The following NELL2 variants were observed in gnomAD, a reference collection of about 807,000 sequenced individuals.
NELL2 encodes the protein protein kinase C-binding protein NELL2.
A neutral mutation model predicts 109.6 loss-of-function variants in NELL2; 41 were observed. That is an observed-to-expected ratio of 0.37 (90% CI 0.29 to 0.49). The LOEUF (loss-of-function observed/expected upper bound fraction) is 0.49. NELL2 is among the 20% of genes least tolerant of loss of function. NELL2 has a pLI of 0.98. For synonymous variants in NELL2, 355 were observed against 344.7 expected (o/e 1.03, Z -0.33); for missense variants, 900 against 1,008.3 (o/e 0.89, Z 1.45).
In NELL2 at chr12:44,868,228, C is replaced by A. The variant is rs144433270; in HGVS notation, c.184+6997G>T. Among the ~76,000 whole-genome samples, 558 of 150,316 alleles carry A rather than the reference C, an allele frequency of 3.7e-3. 1 individual carries two copies. Among genetic ancestry groups the A allele is most frequent in the African/African-American group, 0.013 (534 of 40,872 alleles). On this transcript the variant is annotated intron_variant, in intron 2 of 19. Transcript: ENST00000429094. ...TAAAATACTTACATATAAATTTAAT[C>A]AAGAAGGTGAAAGAGCTGTATACTG...
chr12:44,641,517 T>TA (rs1254677715), intron 13 of NELL2, among the ~76,000 whole-genome samples: 1 of 151,658 alleles, frequency 6.6e-6, no homozygotes, highest in Non-Finnish European at 1.5e-5. Flanking sequence ...GACATGTTGT[T>TA]AAAAAAATAA....
intron 2 of NELL2, among the ~76,000 whole-genome samples, chr12:44,827,262 G>T (rs1592611272): frequency 6.6e-6 from 1 of 152,046 alleles, no homozygotes; most frequent in African/African-American, 2.4e-5. Flanking sequence ...GGTAAATGGG[G>T]TATCCATCAC....
At chr12:44,704,526 AT>A (rs1937749063) in intron 11 of NELL2, among the ~76,000 whole-genome samples, 1 of 152,206 alleles carries the variant, frequency 6.6e-6, no homozygotes, top group Non-Finnish European at 1.5e-5. Flanking sequence ...ATCATGTGCA[AT>A]TTCTCAAGAT....
intron 9 of NELL2, among the ~76,000 whole-genome samples, chr12:44,758,435 C>A (rs754769783): frequency 6.6e-6 from 1 of 152,154 alleles, no homozygotes; most frequent in Non-Finnish European, 1.5e-5. Flanking sequence ...AAACTTGACA[C>A]AATGAATAAA....
At chr12:44,727,511 G>A (rs546076085) in intron 9 of NELL2, among the ~76,000 whole-genome samples, 19 of 151,970 alleles carry the variant, frequency 1.3e-4, no homozygotes, top group Non-Finnish European at 2.2e-4. Context: ...GTGGAAAAAT[G>A]GAGAAGAAGA....
At chr12:44,624,416 G>A (rs1345914950) in intron 13 of NELL2, among the ~76,000 whole-genome samples, 1 of 152,002 alleles carries the variant, frequency 6.6e-6, no homozygotes, top group Non-Finnish European at 1.5e-5. Context: ...TAGGGAAAAC[G>A]CTCACTCTTT....
intron 15 of NELL2, among the ~76,000 whole-genome samples, chr12:44,592,692 G>T (rs900907950): frequency 6.6e-6 from 1 of 152,164 alleles, no homozygotes; most frequent in Middle Eastern, 3.4e-3. Context: ...TATTTTGAGG[G>T]CCCCTCAGGA....
At chr12:44,674,821 T>C (rs369937104) in intron 12 of NELL2, among the ~76,000 whole-genome samples, 4 of 152,300 alleles carry the variant, frequency 2.6e-5, no homozygotes, top group South Asian at 2.1e-4. Context: ...TCTTAAGTAA[T>C]CTACCCAGTC....
chr12:44,745,992 C>T (rs1311916522), intron 9 of NELL2, among the ~76,000 whole-genome samples: 2 of 152,118 alleles, frequency 1.3e-5, no homozygotes, highest in Admixed American at 1.3e-4. Context: ...ATTGCCAAGT[C>T]AATCCTAAGC....
chr12:44,811,805 T>C (rs1943188466), intron 3 of NELL2, among the ~76,000 whole-genome samples: 1 of 152,124 alleles, frequency 6.6e-6, no homozygotes, highest in Non-Finnish European at 1.5e-5. Flanking sequence ...ATAATATTAA[T>C]GTTCATTTCA....
At chr12:44,642,184 G>C (rs927437167) in intron 13 of NELL2, among the ~76,000 whole-genome samples, 1 of 152,120 alleles carries the variant, frequency 6.6e-6, no homozygotes, top group African/African-American at 2.4e-5. Context: ...TGTGCTGCTA[G>C]CCTACCATCT....
At chr12:44,863,514 A>C (rs990702845) in intron 2 of NELL2, among the ~76,000 whole-genome samples, 1 of 47,156 alleles carries the variant, frequency 2.1e-5, no homozygotes, top group Non-Finnish European at 5.4e-5. Flanking sequence ...AAAATTGTAG[A>C]AGTAATAAAA....
intron 13 of NELL2, among the ~76,000 whole-genome samples, chr12:44,619,731 C>T (rs1488997029): frequency 6.6e-6 from 1 of 152,016 alleles, no homozygotes; most frequent in Non-Finnish European, 1.5e-5. Context: ...AAGCACTGTG[C>T]TAAGTAACGT....
At chr12:44,545,210 A>G (rs1942743146) in intron 15 of NELL2, among the ~76,000 whole-genome samples, 2 of 152,108 alleles carry the variant, frequency 1.3e-5, no homozygotes, top group South Asian at 4.1e-4. Context: ...ACTCCTTAAG[A>G]CTTTTCAAAA....
intron 16 of NELL2, among the ~76,000 whole-genome samples, chr12:44,524,673 T>G (rs555311906): frequency 4.1e-4 from 63 of 152,098 alleles, no homozygotes; most frequent in Admixed American, 1.1e-3. Flanking sequence ...CCACAGGACA[T>G]TTTTTTTCTA....
chr12:44,549,600 A>G (rs1188603137), intron 15 of NELL2, among the ~76,000 whole-genome samples: 2 of 152,222 alleles, frequency 1.3e-5, no homozygotes, highest in Non-Finnish European at 2.9e-5. Context: ...TACAAAAATC[A>G]GTTGCATTTC....
At chr12:44,812,550 C>T (rs1943213018) in intron 3 of NELL2, among the ~76,000 whole-genome samples, 1 of 152,002 alleles carries the variant, frequency 6.6e-6, no homozygotes, top group Admixed American at 6.6e-5. Flanking sequence ...TTTCTATAAG[C>T]CACCTTAAAA....
intron 2 of NELL2, among the ~76,000 whole-genome samples, chr12:44,870,470 A>G (rs561017806): frequency 9.2e-5 from 14 of 152,310 alleles, no homozygotes; most frequent in African/African-American, 3.4e-4. Flanking sequence ...AAATCACCAC[A>G]AACTTAGTGA....
At chr12:44,740,363 A>G (rs954680329) in intron 9 of NELL2, among the ~76,000 whole-genome samples, 1 of 152,190 alleles carries the variant, frequency 6.6e-6, no homozygotes, top group Non-Finnish European at 1.5e-5. Context: ...AGGGCAGAAA[A>G]AAGGGAAGCA....
Sources: gnomAD v4.1 joint callset for allele counts (sites outside exome capture counted in the v4.1 genomes callset) on GRCh38, gnomAD v4.1.1 for gene constraint, MANE v1.5 for transcripts, NCBI Gene and HGNC (gene_info 2026-07-23, HGNC 2026-07-21) for gene names.